Variants in ASIC2 observed in about 807,000 individuals in gnomAD.
ASIC2 encodes acid sensing ion channel subunit 2, also known as acid-sensing ion channel 2.
Under a neutral mutation model 57.3 loss-of-function variants are expected in ASIC2, and 25 were observed. The ratio of observed to expected loss-of-function variants is 0.44; its 90% CI spans 0.32 to 0.61. ASIC2 has a LOEUF of 0.61. Ranked by LOEUF, ASIC2 falls within the 20% of genes least tolerant of loss-of-function variation. The probability of loss-of-function intolerance (pLI) is 0.06; values close to 1 mark genes in which losing one functional copy is unlikely to be tolerated. For missense variants in ASIC2, 641 were observed against 738.1 expected (o/e 0.87, Z 1.52); for synonymous variants, 319 against 307.5 (o/e 1.04, Z -0.39).
intron 1 of ASIC2, among the ~76,000 whole-genome samples, chr17:33,129,340 A>C (rs140540440): frequency 6.6e-6 from 1 of 152,246 alleles, no homozygotes; most frequent in African/African-American, 2.4e-5. Context: ...GAAAACAAAA[A>C]AAGAAATGGC....
At chr17:33,593,130 G>A (rs1252934090) in intron 1 of ASIC2, among the ~76,000 whole-genome samples, 2 of 152,172 alleles carry the variant, frequency 1.3e-5, no homozygotes, top group Non-Finnish European at 2.9e-5. Context: ...TTGTGGCCAG[G>A]ATATACAAAG....
chr17:33,755,043 ATTAAGT>A (rs1910553701), intron 1 of ASIC2, among the ~76,000 whole-genome samples: 1 of 150,434 alleles, frequency 6.6e-6, no homozygotes, highest in Non-Finnish European at 1.5e-5. Context: ...TGCTGATGGG[ATTAAGT>A]TAAAGATTTT....
intron 1 of ASIC2, among the ~76,000 whole-genome samples, chr17:33,142,259 C>A (rs1018416814): frequency 2.6e-5 from 4 of 152,188 alleles, no homozygotes; most frequent in African/African-American, 9.7e-5. Context: ...AGAGGATGTG[C>A]TCAGATGTTT....
intron 1 of ASIC2, among the ~76,000 whole-genome samples, chr17:33,654,243 G>C (rs1251714274): frequency 6.6e-6 from 1 of 152,210 alleles, no homozygotes. Flanking sequence ...TATCAAAAGA[G>C]CTCACTAGAG....
chr17:33,451,048 G>T (rs1912228063), intron 1 of ASIC2, among the ~76,000 whole-genome samples: 1 of 134,590 alleles, frequency 7.4e-6, no homozygotes, highest in South Asian at 2.7e-4. Context: ...ATTTGTCAGA[G>T]GCGTACATGT....
chr17:33,762,198 G>A (rs1034737039), intron 1 of ASIC2, among the ~76,000 whole-genome samples: 2 of 152,122 alleles, frequency 1.3e-5, no homozygotes, highest in Non-Finnish European at 2.9e-5. Context: ...ATGGTGACAT[G>A]GCAATGCTAA....
rs1034873183 is a variant in ASIC2 at position 33,091,070 on chromosome 17, G to C, written c.860-2080C>G. On this transcript the variant is annotated intron_variant, in intron 2 of 9. Transcript: ENST00000225823. The stretch of plus-strand genomic sequence containing the variant: ...TGGCTTTGTGTCAATCTCTCCTATT[G>C]ATGGTGAATTCCTCAAGAGAGACCA... Among the ~76,000 whole-genome samples the C allele has an allele frequency of 1.1e-4, 17 of 152,198 alleles. 1 individual carries two copies. The highest frequency in any genetic ancestry group is 3.9e-4 in the African/African-American group (16 of 41,444).
Position 33,470,769 on chromosome 17 carries a change from G to A in ASIC2, c.556-358702C>T, listed in dbSNP as rs1327411814. Among the ~76,000 whole-genome samples, 3 of 152,126 alleles carry A rather than the reference G, an allele frequency of 2.0e-5. No homozygotes were observed. In the East Asian group the frequency reaches 5.8e-4, roughly 29 times the overall value. Reference sequence around the variant, plus strand: ...ACACCCAATCACCTTGAAACTACCTGCCCATACAGGTGAAATAAGGACATG... The same window carrying A: ...ACACCCAATCACCTTGAAACTACCTACCCATACAGGTGAAATAAGGACATG... On this transcript the variant is annotated intron_variant, in intron 1 of 9. Transcript: ENST00000359872.
chr17:33,381,805 G>T lies in ASIC2; in HGVS notation c.556-269738C>A, dbSNP rs76474280. On this transcript the variant is annotated intron_variant, in intron 1 of 9. Transcript: ENST00000359872. Reference sequence around the variant, plus strand: ...AATCCCAACTCCTCCATTACTAGCCGAATGGCCTATACCAAGTTCCATAAA... The same window carrying T: ...AATCCCAACTCCTCCATTACTAGCCTAATGGCCTATACCAAGTTCCATAAA... Among the ~76,000 whole-genome samples, 218 of 152,276 alleles carry T rather than the reference G, an allele frequency of 1.4e-3. 1 individual carries two copies. The East Asian group carries it at 0.03, about 21-fold the overall frequency.
chr17:34,124,942 T>G (rs1289851482), intron 1 of ASIC2, among the ~76,000 whole-genome samples: 10 of 150,282 alleles, frequency 6.7e-5, no homozygotes, highest in Non-Finnish European at 1.5e-4. Flanking sequence ...ATAAAAATCC[T>G]CAGTGTTCCC....
intron 1 of ASIC2, among the ~76,000 whole-genome samples, chr17:33,874,145 C>G (rs1914491977): frequency 6.6e-6 from 1 of 152,190 alleles, no homozygotes; most frequent in South Asian, 2.1e-4. Context: ...AAGTGACCAT[C>G]TAGCGATGCC....
At chr17:34,060,981 A>G (rs1309615013) in intron 1 of ASIC2, among the ~76,000 whole-genome samples, 1 of 152,186 alleles carries the variant, frequency 6.6e-6, no homozygotes, top group Non-Finnish European at 1.5e-5. Context: ...ACACCCAAAT[A>G]CAAGAATAAC....
intron 1 of ASIC2, among the ~76,000 whole-genome samples, chr17:33,547,117 T>A (rs1915603118): frequency 6.6e-6 from 1 of 152,116 alleles, no homozygotes; most frequent in Non-Finnish European, 1.5e-5. Context: ...GGCCTGAGCA[T>A]GTGCATTTCT....
rs529205161 is a variant in ASIC2, at chr17:33,300,221, A to C, written c.556-188154T>G. ...TTTATGAATATACATAAGTGTACAT[A>C]GTCTTTATATGCCCTTTTTTTCTAC... On this transcript the variant is annotated intron_variant, in intron 1 of 9. Coordinates refer to the ASIC2 transcript ENST00000359872. 5.9e-5 allele frequency among the ~76,000 whole-genome samples: 9 copies of C among 152,262 alleles called. No homozygotes were observed. In the East Asian group the frequency reaches 1.2e-3, roughly 20 times the overall value.
intron 1 of ASIC2, among the ~76,000 whole-genome samples, chr17:34,046,170 T>C (rs78778131): frequency 0.016 from 2,397 of 152,320 alleles, 64 homozygotes; most frequent in East Asian, 0.06. Context: ...TACAGTCACA[T>C]GACCAGGTAA....
At chr17:33,812,383 C>G (rs933945383) in intron 1 of ASIC2, among the ~76,000 whole-genome samples, 4 of 152,194 alleles carry the variant, frequency 2.6e-5, no homozygotes, top group African/African-American at 9.7e-5. Flanking sequence ...GAAGCTTTAT[C>G]ATTGTCATTT....
intron 1 of ASIC2, among the ~76,000 whole-genome samples, chr17:33,896,709 A>G (rs6505386): frequency 0.16 from 24,155 of 152,180 alleles, 1,982 homozygotes; most frequent in African/African-American, 0.21. Flanking sequence ...TGGGCATCTC[A>G]CTAATCTGAA....
At chr17:33,994,813 C>T (rs1261153890) in intron 1 of ASIC2, among the ~76,000 whole-genome samples, 3 of 151,996 alleles carry the variant, frequency 2.0e-5, no homozygotes, top group Non-Finnish European at 4.4e-5. Flanking sequence ...GATTCTACAC[C>T]TACTAGGAAG....
chr17:33,829,503 C>T (rs1913039013), intron 1 of ASIC2, among the ~76,000 whole-genome samples: 1 of 152,056 alleles, frequency 6.6e-6, no homozygotes, highest in South Asian at 2.1e-4. Context: ...AGCAGTTAGA[C>T]TCCCTGGGGT....
Sources: gnomAD v4.1 joint callset for allele counts (sites outside exome capture counted in the v4.1 genomes callset) on GRCh38, gnomAD v4.1.1 for gene constraint, MANE v1.5 for transcripts, NCBI Gene and HGNC (gene_info 2026-07-23, HGNC 2026-07-21) for gene names.